STAT5B: variants seen among roughly 807,000 people sequenced by gnomAD.
The protein encoded by STAT5B is transcription factor STAT5B.
In STAT5B, 21 loss-of-function variants were observed where a neutral mutation model predicts 107.8. The observed-to-expected ratio is 0.19, with a 90% CI of 0.14 to 0.28. The LOEUF (loss-of-function observed/expected upper bound fraction) is 0.28, where lower values mean the gene tolerates loss of function less well. Among genes scored for constraint, STAT5B ranks in the 10% least tolerant of loss-of-function variants. The pLI, the probability that STAT5B is intolerant of heterozygous loss-of-function variation, is 1.00. For missense variants in STAT5B, 565 were observed against 1,008.2 expected (o/e 0.56, Z 5.95); for synonymous variants, 325 against 401.7 (o/e 0.81, Z 2.28).
chr17:42,240,100 A>T (rs1011540080), intron 1 of STAT5B, among the ~76,000 whole-genome samples: 1 of 152,222 alleles, frequency 6.6e-6, no homozygotes, highest in Non-Finnish European at 1.5e-5. Context: ...GTGCCACTGC[A>T]CTCCAGCCTG....
intron 12 of STAT5B, 111 bp from the exon 13 acceptor site, chr17:42,212,301 G>T: frequency 6.5e-7 from 1 of 1,545,572 alleles, no homozygotes; most frequent in Non-Finnish European, 8.8e-7. Context: ...CATTTGTCTT[G>T]CAGGGCCTGA....
intron 11 of STAT5B, among the ~76,000 whole-genome samples, chr17:42,216,317 C>T (rs908489954): frequency 2.0e-5 from 3 of 152,070 alleles, no homozygotes; most frequent in Non-Finnish European, 4.4e-5. Context: ...AGCAATGTTG[C>T]TTAGATATTT....
intron 5 of STAT5B, among the ~76,000 whole-genome samples, chr17:42,220,354 G>C (rs1472434299): frequency 6.6e-6 from 1 of 152,218 alleles, no homozygotes; most frequent in Non-Finnish European, 1.5e-5. Context: ...TGCCTGACAT[G>C]GGTGAGCTCT....
chr17:42,285,946 A>G, the STAT5B span, among the ~76,000 whole-genome samples: 1 of 152,150 alleles, frequency 6.6e-6, no homozygotes, highest in East Asian at 1.9e-4. Context: ...GGGGCCGGGC[A>G]TGGTAGCTGA....
chr17:42,218,327 C>T lies in STAT5B; in HGVS notation c.993G>A (p.Thr331=), dbSNP rs59491077. ...TDIISALVTS[T]FIIEKQPPQV... Reference sequence around the variant, plus strand: ...GAGGAGGCTGCTTCTCAATGATGAACGTGCTGCAGGGGACACAGGGACAGA... The same window carrying T: ...GAGGAGGCTGCTTCTCAATGATGAATGTGCTGCAGGGGACACAGGGACAGA... Residue 331 remains threonine, a synonymous_variant, in exon 9 of 19, where the codon ACG becomes ACA. Coordinates refer to ENST00000293328, the MANE Select transcript of STAT5B (RefSeq NM_012448.4). 4,183 of 1,612,892 alleles carry T rather than the reference C, an allele frequency of 2.6e-3. 92 individuals carry two copies. In the African/African-American group the frequency reaches 0.049, roughly 19 times the overall value.
At chr17:42,270,607 T>C (rs2080715274) in intron 1 of STAT5B, 1 of 152,186 alleles carries the variant, frequency 6.6e-6, no homozygotes, top group African/African-American at 2.4e-5. Flanking sequence ...TTCATCAACA[T>C]TTAAAAAAAT....
chr17:42,239,037 C>G (rs2144319087), intron 1 of STAT5B, among the ~76,000 whole-genome samples: 1 of 151,592 alleles, frequency 6.6e-6, no homozygotes, highest in South Asian at 2.1e-4. Context: ...ATCATGAGGT[C>G]AAGAGATCAA....
the STAT5B span, among the ~76,000 whole-genome samples, chr17:42,285,195 T>C: frequency 6.6e-6 from 1 of 151,934 alleles, no homozygotes; most frequent in African/African-American, 2.4e-5. Context: ...GTTCAAGAGA[T>C]TCTTGTGCCT....
At chr17:42,206,466 T>C (rs2080085758) in intron 16 of STAT5B, among the ~76,000 whole-genome samples, 1 of 152,204 alleles carries the variant, frequency 6.6e-6, no homozygotes, top group South Asian at 2.1e-4. Context: ...CAACGGGTGA[T>C]GCAATGTATA....
chr17:42,222,074 G>GAT (rs2080233143), intron 5 of STAT5B, among the ~76,000 whole-genome samples: 1 of 143,714 alleles, frequency 7.0e-6, no homozygotes, highest in African/African-American at 2.6e-5. Flanking sequence ...TGCTGTGTGT[G>GAT]GTGTGTGTGT....
the STAT5B span, among the ~76,000 whole-genome samples, chr17:42,285,474 C>T: frequency 6.6e-6 from 1 of 152,182 alleles, no homozygotes; most frequent in South Asian, 2.1e-4. Context: ...GGGTGAAGAG[C>T]AGTTAGGGGC....
intron 1 of STAT5B, among the ~76,000 whole-genome samples, chr17:42,266,914 G>A (rs1324674439): frequency 6.6e-6 from 1 of 152,166 alleles, no homozygotes; most frequent in African/African-American, 2.4e-5. Flanking sequence ...TAAACTCACT[G>A]CAAGATAAAC....
At position 42,247,694 on chromosome 17, in the gene STAT5B, T is replaced by C. The variant is rs186432239; in HGVS notation, c.-10-15557A>G. Among the ~76,000 whole-genome samples the C allele has an allele frequency of 7.9e-5, 12 of 152,238 alleles. No individual in the cohort carries two copies. The East Asian group carries it at 2.3e-3, about 29-fold the overall frequency. On this transcript the variant is annotated intron_variant, in intron 1 of 18. Transcript: ENST00000293328. ...CAGGTGTAGTGGCTCACACCTGTAA[T>C]CTCAGCACTTTGGGAGGCTGAGGCA...
At chr17:42,245,073 ATTTTTT>A (rs745914040) in intron 1 of STAT5B, among the ~76,000 whole-genome samples, 1 of 105,502 alleles carries the variant, frequency 9.5e-6, no homozygotes, top group African/African-American at 4.1e-5. Context: ...TGCCTGGCTA[ATTTTTT>A]TTTTTTTTTT....
intron 17 of STAT5B, 93 bp from the exon 18 acceptor site, chr17:42,202,540 G>C (rs111600383): frequency 2.0e-6 from 3 of 1,499,368 alleles, no homozygotes; most frequent in Middle Eastern, 2.4e-4. Flanking sequence ...TCTTTCTCAG[G>C]GTGTAGAAGG....
At chr17:42,214,456 C>G (rs2080154921) in intron 12 of STAT5B, 1 of 985,236 alleles carries the variant, frequency 1.0e-6, no homozygotes, top group Admixed American at 6.2e-5. Flanking sequence ...TACTTTTTCT[C>G]TAAAGAGGAG....
chr17:42,201,030 G>C lies in STAT5B; in HGVS notation c.*708C>G, dbSNP rs904215771. Reference sequence around the variant, plus strand: ...CAGAGGAACTGAGTGGCAATTCCAGGGTGCGGGCGGGCAGGAGGGGAGAGA... The same window carrying C: ...CAGAGGAACTGAGTGGCAATTCCAGCGTGCGGGCGGGCAGGAGGGGAGAGA... On this transcript the variant is annotated 3_prime_UTR_variant, in exon 19 of 19. Transcript: ENST00000293328. The C allele has an allele frequency of 2.5e-6, 1 of 401,210 alleles. No individual in the cohort carries two copies. The highest frequency in any genetic ancestry group is 4.3e-5 in the Admixed American group (1 of 23,244). 24.9% of individuals were successfully genotyped at this position (401,210 alleles called of 1,614,324 possible). A position where few individuals can be genotyped will look rare whatever the true frequency, so the allele number is the denominator to read the frequency against.
At chr17:42,250,841 T>C (rs1484380210) in intron 1 of STAT5B, among the ~76,000 whole-genome samples, 1 of 151,458 alleles carries the variant, frequency 6.6e-6, no homozygotes, top group African/African-American at 2.4e-5. Context: ...GGAGAATCAC[T>C]TGAACCTAGG....
intron 1 of STAT5B, chr17:42,235,405 A>G (rs2080348741): frequency 6.7e-6 from 1 of 148,962 alleles, no homozygotes; most frequent in Non-Finnish European, 1.5e-5. Flanking sequence ...GCTCTTTTCA[A>G]AGTTATAATT....
Sources: allele counts gnomAD v4.1 joint callset (sites outside exome capture counted in the v4.1 genomes callset), GRCh38; gene constraint gnomAD v4.1.1; transcripts MANE v1.5; gene names NCBI Gene and HGNC (gene_info 2026-07-23, HGNC 2026-07-21).